ACTA2: variants seen among roughly 807,000 people sequenced by gnomAD.
The protein encoded by ACTA2 is actin alpha 2, smooth muscle.
A neutral mutation model predicts 39.5 loss-of-function variants in ACTA2; 12 were observed. That is an observed-to-expected ratio of 0.30 (90% confidence interval 0.19 to 0.49). The LOEUF (loss-of-function observed/expected upper bound fraction) is 0.49. Ranked by LOEUF, ACTA2 falls within the 20% of genes least tolerant of loss-of-function variation. ACTA2 has a pLI of 0.99. For missense variants in ACTA2, 236 were observed against 498.8 expected, an observed-to-expected ratio of 0.47 and a Z score of 5.02; for synonymous variants, 158 against 180.6, an observed-to-expected ratio of 0.88 and a Z score of 1.00.
intron 1 of ACTA2, among the ~76,000 whole-genome samples, chr10:88,973,013 A>G (rs1846484262): frequency 6.6e-6 from 1 of 152,250 alleles, no homozygotes; most frequent in Admixed American, 6.5e-5. Context: ...CTAAAGCAAA[A>G]TTGAAACCAT....
chr10:88,941,800 A>T lies in ACTA2; in HGVS notation c.439T>A (p.Ser147Thr), dbSNP rs1481930896. The T allele has an allele frequency of 6.2e-7, 1 of 1,612,536 alleles. No individual in the cohort carries two copies. The highest frequency in any genetic ancestry group is 2.2e-5 in the East Asian group (1 of 44,688). Residue 147 changes from serine to threonine, a missense_variant, in exon 5 of 9, where the codon TCT (serine) becomes ACT (threonine). Coordinates refer to ENST00000224784, the MANE Select transcript of ACTA2 (RefSeq NM_001613.4). The stretch of plus-strand genomic sequence containing the variant: ...AGCCACCTACCAGTTGTGCGTCCAG[A>T]GGCATAGAGAGACAGCACCGCCTGG... ...AIQAVLSLYA[S>T]GRTTGIVLDS...
chr10:88,978,212 A>G (rs1472841879), intron 1 of ACTA2, among the ~76,000 whole-genome samples: 1 of 130,964 alleles, frequency 7.6e-6, no homozygotes, highest in Admixed American at 7.8e-5. Flanking sequence ...GATCACATGG[A>G]CACTGGAAGG....
At chr10:88,968,193 C>A (rs1384371633) in intron 1 of ACTA2, among the ~76,000 whole-genome samples, 3 of 152,154 alleles carry the variant, frequency 2.0e-5, no homozygotes, top group Admixed American at 6.5e-5. Flanking sequence ...ACTGGTAACT[C>A]AGAAATGTTA....
chr10:88,967,092 C>A (rs1383628345), intron 1 of ACTA2, among the ~76,000 whole-genome samples: 1 of 152,168 alleles, frequency 6.6e-6, no homozygotes, highest in Non-Finnish European at 1.5e-5. Context: ...CAGGAAGAGA[C>A]CCTCGAGATA....
In ACTA2 at chr10:88,990,820, AC is replaced by A. The variant is rs9658678; in HGVS notation, c.-24+118del. On this transcript the variant is annotated intron_variant, in intron 1 of 4. Coordinates refer to the ACTA2 transcript ENST00000415557. This position sits in a 1 kb window ranked among gnomAD's most constrained non-coding sequence, Gnocchi z 4.9. ...TGCCTCTTCTCCCGCGGGTTGGTGGACCCGCTCAGTACGGAGTTGGGGAAGC... is the reference window on the plus strand; with the variant it reads ...TGCCTCTTCTCCCGCGGGTTGGTGGACCGCTCAGTACGGAGTTGGGGAAGC... 4.9e-4 allele frequency: 798 copies of A among 1,613,464 alleles called. 4 individuals carry two copies. In the African/African-American group the frequency reaches 9.6e-3, roughly 19 times the overall value.
chr10:88,942,016 G>T lies in ACTA2; in HGVS notation c.370-147C>A, dbSNP rs368515500. On this transcript the variant is annotated intron_variant, in intron 4 of 8. Transcript: ENST00000224784. Reference sequence around the variant, plus strand: ...AGTAAGGAGGTTCAGAACAGCCCTGGTCACGTTAAAGAGGAGAAATGAAGG... The same window carrying T: ...AGTAAGGAGGTTCAGAACAGCCCTGTTCACGTTAAAGAGGAGAAATGAAGG... 1.9e-4 allele frequency: 136 copies of T among 726,904 alleles called. No homozygotes were observed. The East Asian group carries it at 3.5e-3, about 19-fold the overall frequency. The allele number at this position is 726,904 out of a possible 1,614,324, so 45.0% of individuals were successfully genotyped here. A position where few individuals can be genotyped will look rare whatever the true frequency, so the allele number is the denominator to read the frequency against.
At chr10:88,986,606 T>G (rs1343984411) in intron 1 of ACTA2, among the ~76,000 whole-genome samples, 1 of 152,102 alleles carries the variant, frequency 6.6e-6, no homozygotes, top group Non-Finnish European at 1.5e-5. Flanking sequence ...TTCTTAGGCT[T>G]CAGGAATGTG....
chr10:88,970,873 A>G (rs1846426909), intron 1 of ACTA2, among the ~76,000 whole-genome samples: 1 of 142,176 alleles, frequency 7.0e-6, no homozygotes, highest in Admixed American at 6.8e-5. Context: ...TATAATAAAA[A>G]AGTGTGTGTG....
chr10:88,953,729 C>T (rs886656208), upstream of ACTA2, among the ~76,000 whole-genome samples: 15 of 152,206 alleles, frequency 9.9e-5, no homozygotes, highest in Admixed American at 2.6e-4. Context: ...ATCATGGGGG[C>T]GTTTTCTCCC....
chr10:88,943,870 G>T lies in ACTA2; in HGVS notation c.296C>A (p.Ala99Asp). Reference protein sequence around the residue: ...HHSFYNELRVAPEEHPTLLTE... With the variant: ...HHSFYNELRVDPEEHPTLLTE... ...GAGCAGGGTGGGATGCTCTTCAGGG[G>T]CAACACGAAGCTCATTGTAGAAAGA... The change falls in exon 4 of 9, where the codon GCC (alanine) becomes GAC (aspartate). Residue 99 changes from alanine (A) to aspartate (D), a missense_variant. Coordinates refer to ENST00000224784, the MANE Select transcript of ACTA2 (RefSeq NM_001613.4). 1.2e-6 allele frequency: 2 copies of T among 1,614,008 alleles called. No homozygotes were observed. Among genetic ancestry groups the T allele is most frequent in the Non-Finnish European group, 1.7e-6 (2 of 1,179,932 alleles).
At chr10:88,972,597 T>C (rs950330382) in intron 1 of ACTA2, among the ~76,000 whole-genome samples, 32 of 152,208 alleles carry the variant, frequency 2.1e-4, no homozygotes, top group Non-Finnish European at 2.9e-5. Flanking sequence ...GCTTTTTAAC[T>C]ATATCTTTTG....
At chr10:88,936,989 C>T (rs1486111698) in intron 8 of ACTA2, among the ~76,000 whole-genome samples, 6 of 152,172 alleles carry the variant, frequency 3.9e-5, no homozygotes, top group Non-Finnish European at 8.8e-5. Context: ...TAGCCTCTTT[C>T]TGTTATCGAC....
At chr10:88,944,285 A>G (rs1369401578) in intron 3 of ACTA2, among the ~76,000 whole-genome samples, 1 of 152,134 alleles carries the variant, frequency 6.6e-6, no homozygotes, top group Non-Finnish European at 1.5e-5. Context: ...TAATAGGGAG[A>G]TGAAAATAAT....
intron 1 of ACTA2, among the ~76,000 whole-genome samples, chr10:88,975,856 A>C (rs1002166281): frequency 6.6e-6 from 1 of 152,166 alleles, no homozygotes; most frequent in Non-Finnish European, 1.5e-5. Context: ...TTTTTAGTGC[A>C]CTATCAGTAT....
intron 1 of ACTA2, among the ~76,000 whole-genome samples, chr10:88,958,802 G>A (rs1846179411): frequency 2.0e-5 from 3 of 152,068 alleles, no homozygotes; most frequent in Admixed American, 2.0e-4. Context: ...AAAGACTTTG[G>A]ATCTACAGGA....
chr10:88,983,104 T>G (rs1329969239), intron 1 of ACTA2, among the ~76,000 whole-genome samples: 1 of 152,236 alleles, frequency 6.6e-6, no homozygotes, highest in African/African-American at 2.4e-5. Context: ...TATTGAGGTT[T>G]GAAATGCACT....
rs1847144532 is a variant in ACTA2, at chr10:88,990,951, C to G, written c.-36G>C. On this transcript the variant is annotated 5_prime_UTR_variant, in exon 1 of 5. Transcript: ENST00000415557. The surrounding 1 kb of genome is among the most constrained non-coding windows in gnomAD (Gnocchi z 4.9). ...GGTGGAGGCTTACCCCGTCTTAGTC[C>G]CGGGGATAGGCAAAGTGGGGCGGGC... 6.2e-7 allele frequency: 1 copy of G among 1,613,826 alleles called. No homozygotes were observed. The highest frequency in any genetic ancestry group is 2.2e-5 in the East Asian group (1 of 44,864).
chr10:88,951,273 T>C (rs1354856463), intron 1 of ACTA2, among the ~76,000 whole-genome samples: 1 of 152,144 alleles, frequency 6.6e-6, no homozygotes, highest in Admixed American at 6.5e-5. Flanking sequence ...ATGGATGTGC[T>C]AAGTGCATTT....
intron 4 of ACTA2, among the ~76,000 whole-genome samples, chr10:88,943,147 C>T (rs532072709): frequency 7.2e-5 from 11 of 152,278 alleles, no homozygotes; most frequent in African/African-American, 2.4e-4. Context: ...TGACACTAGA[C>T]GTTGTTATTT....
Sources: gnomAD v4.1 joint callset for allele counts (sites outside exome capture counted in the v4.1 genomes callset) on GRCh38, gnomAD v4.1.1 for gene constraint, Gnocchi (gnomAD v3.1) non-coding constraint, MANE v1.5 for transcripts, NCBI Gene and HGNC (gene_info 2026-07-23, HGNC 2026-07-21) for gene names.